The following SCAPER variants were observed in gnomAD, a reference collection of about 807,000 sequenced individuals.
SCAPER encodes S phase cyclin A-associated protein in the endoplasmic reticulum.
Under a neutral mutation model 182.2 loss-of-function variants are expected in SCAPER, and 98 were observed. The ratio of observed to expected loss-of-function variants is 0.54; its 90% CI spans 0.46 to 0.64. The LOEUF (loss-of-function observed/expected upper bound fraction) is 0.64, where lower values mean the gene tolerates loss of function less well. SCAPER is among the 30% of genes least tolerant of loss of function. The probability of loss-of-function intolerance (pLI) is 0.00; values close to 1 mark genes in which losing one functional copy is unlikely to be tolerated. For missense variants in SCAPER, 1,432 were observed against 1,690.0 expected (o/e 0.85, Z 2.68); for synonymous variants, 605 against 564.6 (o/e 1.07, Z -1.01).
intron 21 of SCAPER, 21 bp from the exon 22 acceptor site, chr15:76,621,850 A>C: frequency 6.4e-7 from 1 of 1,560,240 alleles, no homozygotes; most frequent in Admixed American, 1.8e-5. Flanking sequence ...AAAAAGTTTT[A>C]ACACAGTTAT....
intron 7 of SCAPER, 128 bp from the exon 8 acceptor site, chr15:76,795,568 C>A (rs543543280): frequency 6.5e-6 from 4 of 617,644 alleles, no homozygotes; most frequent in Admixed American, 3.9e-5. Context: ...TAATCTGCCA[C>A]GGCAATTTAA....
chr15:76,714,756 C>T (rs1019506434), intron 17 of SCAPER, among the ~76,000 whole-genome samples: 5 of 152,032 alleles, frequency 3.3e-5, no homozygotes, highest in African/African-American at 4.8e-5. Flanking sequence ...TGGCTTACTC[C>T]TCAGGTTAAA....
intron 24 of SCAPER, among the ~76,000 whole-genome samples, chr15:76,480,728 A>C (rs925881217): frequency 8.6e-5 from 13 of 151,594 alleles, no homozygotes; most frequent in African/African-American, 3.2e-4. Context: ...CACATTCTCC[A>C]CTATTCTACT....
chr15:76,510,116 A>G (rs1320991296), intron 23 of SCAPER, among the ~76,000 whole-genome samples: 1 of 152,246 alleles, frequency 6.6e-6, no homozygotes, highest in Non-Finnish European at 1.5e-5. Context: ...CTGAAACTAT[A>G]AAAATTCTAG....
chr15:76,583,243 C>T (rs553246027), intron 22 of SCAPER, among the ~76,000 whole-genome samples: 2 of 150,774 alleles, frequency 1.3e-5, no homozygotes, highest in Admixed American at 6.7e-5. Flanking sequence ...CCCAGCTACT[C>T]GGGAGGCTGA....
At chr15:76,605,389 G>T (rs778252892) in intron 22 of SCAPER, among the ~76,000 whole-genome samples, 1 of 152,120 alleles carries the variant, frequency 6.6e-6, no homozygotes, top group Non-Finnish European at 1.5e-5. Context: ...GATCGTGGTG[G>T]ATAAGCTTTT....
chr15:76,425,321 A>C (rs2046346076), intron 26 of SCAPER, among the ~76,000 whole-genome samples: 1 of 150,870 alleles, frequency 6.6e-6, no homozygotes. Flanking sequence ...ATTTCTTTTT[A>C]CTCTTTTTTC....
intron 23 of SCAPER, among the ~76,000 whole-genome samples, chr15:76,535,647 T>C (rs2044091994): frequency 6.8e-6 from 1 of 147,796 alleles, no homozygotes; most frequent in Non-Finnish European, 1.5e-5. Context: ...CCAGACAACA[T>C]ACAGGTATTG....
At chr15:76,516,058 A>C (rs931301057) in intron 23 of SCAPER, among the ~76,000 whole-genome samples, 7 of 152,110 alleles carry the variant, frequency 4.6e-5, no homozygotes, top group African/African-American at 1.7e-4. Flanking sequence ...GAAAGGAGAG[A>C]CCAGAGATGT....
chr15:76,662,263 G>A (rs2056246803), intron 21 of SCAPER, among the ~76,000 whole-genome samples: 1 of 152,140 alleles, frequency 6.6e-6, no homozygotes, highest in Admixed American at 6.6e-5. Context: ...GATAGTTGCA[G>A]CAAACCACCA....
At chr15:76,613,493 G>A (rs917104738) in intron 22 of SCAPER, among the ~76,000 whole-genome samples, 3 of 152,120 alleles carry the variant, frequency 2.0e-5, no homozygotes, top group Non-Finnish European at 4.4e-5. Flanking sequence ...ACAAACTACA[G>A]AATGGGAGAA....
chr15:76,508,600 T>C (rs1412680827), intron 23 of SCAPER, among the ~76,000 whole-genome samples: 2 of 152,198 alleles, frequency 1.3e-5, no homozygotes, highest in Non-Finnish European at 2.9e-5. Context: ...TTGTAATGGG[T>C]GTGTACTGGC....
chr15:76,833,053 C>G (rs1409358293), intron 5 of SCAPER, among the ~76,000 whole-genome samples: 1 of 152,040 alleles, frequency 6.6e-6, no homozygotes, highest in East Asian at 1.9e-4. Context: ...TATAAGACAA[C>G]CATCCCCCAG....
At chr15:76,434,981 T>C (rs1596600815) in intron 25 of SCAPER, among the ~76,000 whole-genome samples, 1 of 152,226 alleles carries the variant, frequency 6.6e-6, no homozygotes, top group East Asian at 1.9e-4. Context: ...GGGACAATAT[T>C]TGGTAAAATA....
chr15:76,689,280 G>C (rs761688129), intron 20 of SCAPER, among the ~76,000 whole-genome samples: 1 of 151,850 alleles, frequency 6.6e-6, no homozygotes, highest in African/African-American at 2.4e-5. Flanking sequence ...ACTGAGACGG[G>C]GTAGAGGGAA....
chr15:76,839,196 T>G (rs2069222678), intron 5 of SCAPER, among the ~76,000 whole-genome samples: 1 of 152,222 alleles, frequency 6.6e-6, no homozygotes, highest in African/African-American at 2.4e-5. Flanking sequence ...CATGCTATAC[T>G]TACCATGTGA....
chr15:76,901,285 G>C (rs1271740203), intron 1 of SCAPER, among the ~76,000 whole-genome samples: 1 of 152,138 alleles, frequency 6.6e-6, no homozygotes, highest in Non-Finnish European at 1.5e-5. Context: ...ATTCTAAATT[G>C]TTTAATAAGA....
At chr15:76,480,167 G>T (rs2050991797) in intron 24 of SCAPER, among the ~76,000 whole-genome samples, 1 of 152,154 alleles carries the variant, frequency 6.6e-6, no homozygotes, top group Admixed American at 6.5e-5. Flanking sequence ...CGTTAGGAAA[G>T]GGAGAGACAA....
intron 2 of SCAPER, among the ~76,000 whole-genome samples, chr15:76,882,801 A>G (rs1040221709): frequency 4.6e-5 from 7 of 152,082 alleles, no homozygotes; most frequent in Admixed American, 3.9e-4. Flanking sequence ...AGTAGCTGGG[A>G]CTACAGGCGC....
Sources: allele counts gnomAD v4.1 joint callset (sites outside exome capture counted in the v4.1 genomes callset), GRCh38; gene constraint gnomAD v4.1.1; transcripts MANE v1.5; gene names NCBI Gene and HGNC (gene_info 2026-07-23, HGNC 2026-07-21).